The following PPP1R13B variants were observed in gnomAD, a reference collection of about 807,000 sequenced individuals.
PPP1R13B encodes the protein protein phosphatase 1 regulatory subunit 13B.
PPP1R13B carries 44 observed loss-of-function variants against 119.8 expected under a neutral mutation model. The ratio of observed to expected loss-of-function variants is 0.37; its 90% CI spans 0.29 to 0.47. The LOEUF (loss-of-function observed/expected upper bound fraction) is 0.47. PPP1R13B is among the 20% of genes least tolerant of loss of function. The pLI is 0.99. For synonymous variants in PPP1R13B, 542 were observed against 561.5 expected (o/e 0.97, Z 0.49); for missense variants, 1,227 against 1,413.5 (o/e 0.87, Z 2.12).
In PPP1R13B at chr14:103,741,212, G is replaced by A. The variant is rs117498095; in HGVS notation, c.1822+578C>T. 8.8e-4 allele frequency among the ~76,000 whole-genome samples: 134 copies of A among 152,292 alleles called. 3 individuals are homozygous for A. The East Asian group carries it at 0.02, about 23-fold the overall frequency. The stretch of plus-strand genomic sequence containing the variant: ...AGGCCCTAGCCTAGACCTGACCCGC[G>A]GCTTCCTCCCGTAAGAGTCGGAAAC... On this transcript the variant is annotated intron_variant, in intron 11 of 16. Transcript: ENST00000202556.
chr14:103,799,039 G>A (rs1046878584), intron 1 of PPP1R13B, among the ~76,000 whole-genome samples: 2 of 151,328 alleles, frequency 1.3e-5, no homozygotes, highest in South Asian at 2.1e-4. Flanking sequence ...CCACTCTGTC[G>A]CCCAGGCTGG....
In PPP1R13B at chr14:103,827,096, G is replaced by A. The variant is rs186227705; in HGVS notation, c.9+20203C>T. Among the ~76,000 whole-genome samples, 333 of 152,108 alleles carry A rather than the reference G, an allele frequency of 2.2e-3. 2 individuals are homozygous for A. The highest frequency in any genetic ancestry group is 6.8e-3 in the Middle Eastern group (2 of 292). On this transcript the variant is annotated intron_variant, in intron 1 of 16. Coordinates refer to ENST00000202556, the MANE Select transcript of PPP1R13B (RefSeq NM_015316.3). ...TCCCAGCACTTTGGGAGGCCGAGGC[G>A]GGTGGATCATGAGGTCAGGAGATCG...
In PPP1R13B at chr14:103,784,831, G is replaced by A. The variant is rs749124281; in HGVS notation, c.241C>T (p.Arg81Ter). The A allele has an allele frequency of 1.9e-6, 3 of 1,609,152 alleles. No individual in the cohort carries two copies. The highest frequency in any genetic ancestry group is 2.6e-6 in the Non-Finnish European group (3 of 1,176,346). Residue 81 changes from arginine to a stop codon, truncating the protein, a stop_gained, in exon 3 of 17, where the codon CGA (arginine) becomes TGA (stop). Transcript: ENST00000202556. LOFTEE classifies it high-confidence loss of function. Reference sequence around the variant, plus strand: ...TTCTCAGTTGGGGAGTCCTCGTGTCGAAGGAAAAATTTCACTTCTTCCCTC... The same window carrying A: ...TTCTCAGTTGGGGAGTCCTCGTGTCAAAGGAAAAATTTCACTTCTTCCCTC... ...PRREEVKFFL[R>*]HEDSPTENSE...
At chr14:103,798,207 A>C (rs1281115826) in intron 1 of PPP1R13B, among the ~76,000 whole-genome samples, 1 of 140,072 alleles carries the variant, frequency 7.1e-6, no homozygotes, top group Non-Finnish European at 1.5e-5. Flanking sequence ...GCTGGAGTGC[A>C]GTGGCGCGAT....
intron 4 of PPP1R13B, among the ~76,000 whole-genome samples, chr14:103,775,160 T>C (rs1045991974): frequency 6.6e-6 from 1 of 152,196 alleles, no homozygotes; most frequent in Non-Finnish European, 1.5e-5. Context: ...TTATATCATA[T>C]ACAACACACC....
chr14:103,790,141 G>A (rs1041685630), intron 2 of PPP1R13B, among the ~76,000 whole-genome samples: 1 of 151,790 alleles, frequency 6.6e-6, no homozygotes, highest in Non-Finnish European at 1.5e-5. Context: ...AGCTACTTGG[G>A]AGGCTGAGGC....
intron 1 of PPP1R13B, among the ~76,000 whole-genome samples, chr14:103,811,006 T>C (rs190227183): frequency 1.2e-4 from 17 of 143,706 alleles, no homozygotes; most frequent in African/African-American, 3.7e-4. Flanking sequence ...AGCAGGAGAA[T>C]TGCTTAAACC....
chr14:103,735,912 G>C, intron 16 of PPP1R13B, 91 bp downstream of exon 16: 2 of 1,412,204 alleles, frequency 1.4e-6, no homozygotes, highest in Non-Finnish European at 1.9e-6. Context: ...GAGAAGCGAA[G>C]CCTCCCTCCC....
chr14:103,752,938 G>C, intron 7 of PPP1R13B, 62 bp downstream of exon 7: 1 of 1,542,082 alleles, frequency 6.5e-7, no homozygotes, highest in Middle Eastern at 1.8e-4. Flanking sequence ...TCCAACCCAT[G>C]CTAATGAAAG....
At chr14:103,793,301 C>A (rs982302685) in intron 2 of PPP1R13B, among the ~76,000 whole-genome samples, 1 of 152,092 alleles carries the variant, frequency 6.6e-6, no homozygotes, top group Non-Finnish European at 1.5e-5. Flanking sequence ...CCCCATAATC[C>A]CCACATGTCA....
rs748021653 is a variant in PPP1R13B, at chr14:103,737,740, A to G, written c.2985T>C (p.Cys995=). The change falls in exon 15 of 17, where the codon TGT becomes TGC. Residue 995 remains cysteine (C), a synonymous_variant. Coordinates refer to ENST00000202556, the MANE Select transcript of PPP1R13B (RefSeq NM_015316.3). The part of the protein sequence containing the change: ...ISDIETAADK[C]EEMEEGYIQC... Reference sequence around the variant, plus strand: ...GGATGTAGCCTTCCTCCATCTCCTCACACTTGTCTGCAGCAGTTTCAATGT... The same window carrying G: ...GGATGTAGCCTTCCTCCATCTCCTCGCACTTGTCTGCAGCAGTTTCAATGT... The G allele has an allele frequency of 3.1e-6, 5 of 1,614,196 alleles. No individual in the cohort carries two copies. The Admixed American group carries it at 8.3e-5, about 27-fold the overall frequency.
chr14:103,735,334 C>T (rs2084074898), intron 16 of PPP1R13B, 139 bp from the exon 17 acceptor site: 5 of 771,702 alleles, frequency 6.5e-6, no homozygotes, highest in Non-Finnish European at 1.1e-5. Context: ...CGCTCAGCTG[C>T]ACCTCTACAC....
chr14:103,736,465 C>T (rs2084116092), intron 15 of PPP1R13B: 4 of 564,372 alleles, frequency 7.1e-6, no homozygotes. Context: ...AGCCCCAGGG[C>T]AAGAGTGTGC....
intron 1 of PPP1R13B, among the ~76,000 whole-genome samples, chr14:103,813,417 C>T (rs1417633409): frequency 6.6e-6 from 1 of 152,084 alleles, no homozygotes; most frequent in Non-Finnish European, 1.5e-5. Flanking sequence ...AATTGTAATA[C>T]CCATGTGTCA....
intron 1 of PPP1R13B, among the ~76,000 whole-genome samples, chr14:103,815,482 C>A (rs1042054774): frequency 6.6e-6 from 1 of 152,194 alleles, no homozygotes. Flanking sequence ...ACAGGCTAGG[C>A]ATGGTGGCTC....
At chr14:103,811,804 C>T (rs2086162364) in intron 1 of PPP1R13B, among the ~76,000 whole-genome samples, 1 of 150,014 alleles carries the variant, frequency 6.7e-6, no homozygotes, top group African/African-American at 2.4e-5. Flanking sequence ...CACCTGTAAT[C>T]CCAGCACTTT....
chr14:103,744,526 T>C (rs900166749), intron 9 of PPP1R13B, among the ~76,000 whole-genome samples: 2 of 152,218 alleles, frequency 1.3e-5, no homozygotes, highest in Admixed American at 6.5e-5. Context: ...GAGCAGACCT[T>C]TGTCAGTTTG....
rs536252805 is a variant in PPP1R13B, at chr14:103,785,383, T to C, written c.158-469A>G. ...ACAGGCATCCACCACCGTGCCCAGC[T>C]AATTTTTTGTATTTAGTAGAGAGAG... On this transcript the variant is annotated intron_variant, in intron 2 of 16. Transcript: ENST00000202556. Among the ~76,000 whole-genome samples, 4 of 152,282 alleles carry C rather than the reference T, an allele frequency of 2.6e-5. No individual in the cohort carries two copies. The South Asian group carries it at 8.3e-4, about 32-fold the overall frequency.
At position 103,742,817 on chromosome 14, in the gene PPP1R13B, T is replaced by C. The variant is rs2084292809; in HGVS notation, c.1157A>G (p.Asp386Gly). 3 of 1,614,030 alleles carry C rather than the reference T, an allele frequency of 1.9e-6. No individual in the cohort carries two copies. The South Asian group carries it at 3.3e-5, about 18-fold the overall frequency. ...CTGTTTTAATGTTGGCCAGTTTCCA[T>C]CATTAGCTTGAAAAGAACACAGAAC... is the stretch of plus-strand genomic sequence containing the variant. ...AAHGRSKSAN[D>G]GNWPTLKQNS... is the part of the protein sequence containing the mutation. The change falls in exon 10 of 17, where the codon GAT becomes GGT. Residue 386 changes from aspartate (D) to glycine (G), a missense_variant. Physicochemically the swap from Asp to Gly is moderately conservative, Grantham distance 94. Coordinates refer to ENST00000202556, the MANE Select transcript of PPP1R13B (RefSeq NM_015316.3). This position sits in a 1 kb window ranked among gnomAD's most constrained non-coding sequence, Gnocchi z 4.9.
Sources: gnomAD v4.1 joint callset for allele counts (sites outside exome capture counted in the v4.1 genomes callset) on GRCh38, gnomAD v4.1.1 for gene constraint, Gnocchi (gnomAD v3.1) non-coding constraint, MANE v1.5 for transcripts, NCBI Gene and HGNC (gene_info 2026-07-23, HGNC 2026-07-21) for gene names.